THSD7B: variants seen among roughly 807,000 people sequenced by gnomAD.
The protein encoded by THSD7B is thrombospondin type 1 domain containing 7B.
In THSD7B, 138 loss-of-function variants were observed where a neutral mutation model predicts 213.6. That is an observed-to-expected ratio of 0.65 (90% confidence interval 0.56 to 0.74). The LOEUF (loss-of-function observed/expected upper bound fraction) is 0.74. THSD7B is among the 30% of genes least tolerant of loss of function. The pLI, the probability that THSD7B is intolerant of heterozygous loss-of-function variation, is 0.00. For synonymous variants in THSD7B, 742 were observed against 687.0 expected (o/e 1.08, Z -1.25); for missense variants, 1,931 against 1,991.5 (o/e 0.97, Z 0.58).
intron 15 of THSD7B, among the ~76,000 whole-genome samples, chr2:137,490,217 G>A (rs1264571022): frequency 1.3e-5 from 2 of 152,206 alleles, no homozygotes; most frequent in Admixed American, 6.5e-5. Flanking sequence ...AAGAGCAAGC[G>A]ACTTTTGGTC....
rs528059826 is a variant in THSD7B at position 136,781,088 on chromosome 2, A to G, written c.-36+15401A>G. 3.3e-5 allele frequency among the ~76,000 whole-genome samples: 5 copies of G among 152,290 alleles called. No homozygotes were observed. In the South Asian group the frequency reaches 1.0e-3, roughly 32 times the overall value. The stretch of plus-strand genomic sequence containing the variant: ...ATGTGATTTTAAATATGCCTGTGTA[A>G]CAGGGTTAATAACAAATTTTAATAT... On this transcript the variant is annotated intron_variant, in intron 1 of 27. Transcript: ENST00000409968.
At chr2:136,913,186 GGCATTTT>G (rs1684296668) in intron 2 of THSD7B, among the ~76,000 whole-genome samples, 1 of 152,170 alleles carries the variant, frequency 6.6e-6, no homozygotes, top group Admixed American at 6.5e-5. Flanking sequence ...AGAGACTATC[GGCATTTT>G]GCCCCTGCCC....
chr2:137,567,046 G>T (rs80050706), intron 16 of THSD7B, among the ~76,000 whole-genome samples: 1 of 152,092 alleles, frequency 6.6e-6, no homozygotes. Context: ...TATGACTAGT[G>T]TCAGTACCCA....
intron 17 of THSD7B, among the ~76,000 whole-genome samples, chr2:137,604,074 G>T (rs1682124839): frequency 6.6e-6 from 1 of 152,002 alleles, no homozygotes; most frequent in African/African-American, 2.4e-5. Flanking sequence ...CAGCCTGCCT[G>T]GGTGACAGAG....
intron 3 of THSD7B, among the ~76,000 whole-genome samples, chr2:137,076,387 G>A (rs1687623329): frequency 6.6e-6 from 1 of 152,252 alleles, no homozygotes; most frequent in African/African-American, 2.4e-5. Context: ...GACCCTCCGA[G>A]CCATGTGAGG....
intron 2 of THSD7B, among the ~76,000 whole-genome samples, chr2:136,882,818 G>C (rs773714638): frequency 6.6e-6 from 1 of 152,140 alleles, no homozygotes; most frequent in Non-Finnish European, 1.5e-5. Context: ...TCACGTTAAT[G>C]TATTTTGAGA....
At chr2:137,514,512 T>C (rs1412467280) in intron 15 of THSD7B, among the ~76,000 whole-genome samples, 1 of 152,194 alleles carries the variant, frequency 6.6e-6, no homozygotes, top group Non-Finnish European at 1.5e-5. Flanking sequence ...TGTGAGTTAA[T>C]ACTCCTTAAT....
At chr2:137,289,368 A>AT (rs374053690) in intron 12 of THSD7B, among the ~76,000 whole-genome samples, 3,675 of 151,206 alleles carry the variant, frequency 0.024, 163 homozygotes, top group African/African-American at 0.084. Flanking sequence ...AGTGTATTAC[A>AT]TTTTTTTTTC....
intron 5 of THSD7B, among the ~76,000 whole-genome samples, chr2:137,118,101 G>A (rs939252791): frequency 6.6e-6 from 1 of 152,188 alleles, no homozygotes; most frequent in African/African-American, 2.4e-5. Flanking sequence ...CAAGCCAATA[G>A]AATTGGGAAT....
At chr2:137,519,495 C>T (rs557197733) in intron 15 of THSD7B, among the ~76,000 whole-genome samples, 1 of 152,268 alleles carries the variant, frequency 6.6e-6, no homozygotes, top group South Asian at 2.1e-4. Flanking sequence ...ACTTGGGCTC[C>T]CACTGCTGCT....
intron 3 of THSD7B, among the ~76,000 whole-genome samples, chr2:137,094,353 T>A (rs1688001092): frequency 1.3e-5 from 2 of 152,186 alleles, no homozygotes; most frequent in Admixed American, 1.3e-4. Context: ...GGTGGATCAC[T>A]TGAGGTCAGG....
At chr2:137,230,932 TG>T in intron 7 of THSD7B, 111 bp from the exon 8 acceptor site, 1 of 1,052,388 alleles carries the variant, frequency 9.5e-7, no homozygotes, top group Non-Finnish European at 1.4e-6. Flanking sequence ...ATATTGTGAA[TG>T]GCTGAAGAAA....
At chr2:137,515,823 G>A (rs981893919) in intron 15 of THSD7B, among the ~76,000 whole-genome samples, 21 of 152,200 alleles carry the variant, frequency 1.4e-4, no homozygotes, top group African/African-American at 5.1e-4. Flanking sequence ...GGGATCCAAA[G>A]GCTGAAGGAG....
intron 24 of THSD7B, among the ~76,000 whole-genome samples, chr2:137,657,530 A>G (rs1558873909): frequency 1.3e-5 from 2 of 152,198 alleles, no homozygotes; most frequent in Admixed American, 6.5e-5. Context: ...CTGACATAAA[A>G]CATACTCAGA....
intron 7 of THSD7B, among the ~76,000 whole-genome samples, chr2:137,196,363 T>G (rs1680759929): frequency 6.9e-6 from 1 of 144,594 alleles, no homozygotes; most frequent in Non-Finnish European, 1.5e-5. Context: ...TAGCTGGAGA[T>G]GGAAAACCTG....
At chr2:137,041,730 A>G (rs1021951727) in intron 2 of THSD7B, among the ~76,000 whole-genome samples, 2 of 151,768 alleles carry the variant, frequency 1.3e-5, no homozygotes, top group Admixed American at 6.6e-5. Flanking sequence ...TATTAATATA[A>G]TACTGGATTC....
intron 12 of THSD7B, among the ~76,000 whole-genome samples, chr2:137,295,959 T>C (rs1573941025): frequency 6.6e-6 from 1 of 152,146 alleles, no homozygotes; most frequent in South Asian, 2.1e-4. Context: ...TCACAGAGGA[T>C]TGAGCTTGTT....
intron 2 of THSD7B, among the ~76,000 whole-genome samples, chr2:136,952,454 G>A (rs1042734945): frequency 1.3e-4 from 7 of 52,208 alleles, no homozygotes; most frequent in African/African-American, 1.6e-4. Context: ...TTTTTTTTTT[G>A]TGGGTGTAAG....
In THSD7B at chr2:137,234,464, C is replaced by A. The variant is rs77069142; in HGVS notation, c.2150+1331C>A. On this transcript the variant is annotated intron_variant, in intron 9 of 27. Coordinates refer to ENST00000409968, the MANE Select transcript of THSD7B (RefSeq NM_001316349.2). ...CGGCAGCAGATAGAGTGCAGACTGG[C>A]AGACACTGCCCAGAGCTTGTGTTAG... Among the ~76,000 whole-genome samples the A allele has an allele frequency of 3.7e-3, 559 of 152,260 alleles. 3 individuals are homozygous for A. Among genetic ancestry groups the A allele is most frequent in the African/African-American group, 0.013 (528 of 41,542 alleles).
Sources: allele counts gnomAD v4.1 joint callset (sites outside exome capture counted in the v4.1 genomes callset), GRCh38; gene constraint gnomAD v4.1.1; transcripts MANE v1.5; gene names NCBI Gene and HGNC (gene_info 2026-07-23, HGNC 2026-07-21).